FREM1: variants seen among roughly 807,000 people sequenced by gnomAD.
The protein encoded by FREM1 is FRAS1-related extracellular matrix protein 1.
A neutral mutation model predicts 210.1 loss-of-function variants in FREM1; 220 were observed. The ratio of observed to expected loss-of-function variants is 1.05; its 90% CI spans 0.94 to 1.17. The LOEUF (loss-of-function observed/expected upper bound fraction) is 1.17, where lower values mean the gene tolerates loss of function less well. Among genes scored for constraint, FREM1 ranks in the 50% most tolerant of loss-of-function variants. FREM1 has a pLI of 0.00. For synonymous variants in FREM1, 1,189 were observed against 980.2 expected, an observed-to-expected ratio of 1.21 and a Z score of -3.98; for missense variants, 3,454 against 2,675.5, an observed-to-expected ratio of 1.29 and a Z score of -6.42.
chr9:14,812,924 C>T lies in FREM1; in HGVS notation c.2781G>A (p.Met927Ile). Reference sequence around the variant, plus strand: ...GCTGAGGTTCGCGAGCAATCACAAACATCAACTTCAAGTTATCGCTGTCCA... The same window carrying T: ...GCTGAGGTTCGCGAGCAATCACAAATATCAACTTCAAGTTATCGCTGTCCA... ...TDVDSDNLKL[M>I]FVIAREPQHG... is the part of the protein sequence containing the mutation. Residue 927 changes from methionine (M) to isoleucine (I), a missense_variant, in exon 16 of 37, where the codon ATG becomes ATA. Physicochemically the swap from Met to Ile is conservative, Grantham distance 10. Transcript: ENST00000380880. The T allele has an allele frequency of 1.2e-6, 2 of 1,613,940 alleles. No homozygotes were observed. The highest frequency in any genetic ancestry group is 1.7e-6 in the Non-Finnish European group (2 of 1,179,854).
At chr9:14,873,484 T>C (rs191195767) in intron 1 of FREM1, among the ~76,000 whole-genome samples, 42 of 152,290 alleles carry the variant, frequency 2.8e-4, no homozygotes, top group Admixed American at 5.2e-4. Flanking sequence ...TCTCTGATGG[T>C]AGTTTGTATT....
At chr9:14,813,647 TCTCA>T (rs1206589643) in intron 15 of FREM1, among the ~76,000 whole-genome samples, 1 of 152,138 alleles carries the variant, frequency 6.6e-6, no homozygotes, top group Non-Finnish European at 1.5e-5. Flanking sequence ...AATGTTTTTC[TCTCA>T]CTTTCACGAA....
chr9:14,864,771 C>A (rs562905841), intron 2 of FREM1, among the ~76,000 whole-genome samples: 1 of 152,246 alleles, frequency 6.6e-6, no homozygotes, highest in Admixed American at 6.5e-5. Context: ...TCGTCTGTAC[C>A]TTTTCACAGC....
chr9:14,753,097 A>G (rs757334109), intron 29 of FREM1, among the ~76,000 whole-genome samples: 139 of 152,188 alleles, frequency 9.1e-4, no homozygotes, highest in Non-Finnish European at 1.8e-3. Flanking sequence ...TTCACTTTCA[A>G]GGTGCAAAGT....
intron 28 of FREM1, among the ~76,000 whole-genome samples, chr9:14,758,443 T>C (rs533348335): frequency 1.3e-5 from 2 of 152,248 alleles, no homozygotes; most frequent in Admixed American, 6.5e-5. Context: ...AGCAATCTTC[T>C]GGAAAACTAT....
At chr9:14,886,924 C>T (rs1339884083) in intron 1 of FREM1, among the ~76,000 whole-genome samples, 1 of 145,334 alleles carries the variant, frequency 6.9e-6, no homozygotes, top group South Asian at 2.2e-4. Context: ...AAAAAAGAAG[C>T]TATCAATTGA....
chr9:14,864,603 A>T (rs535441950), intron 2 of FREM1, among the ~76,000 whole-genome samples: 70 of 152,346 alleles, frequency 4.6e-4, no homozygotes, highest in African/African-American at 1.6e-3. Context: ...CAGAATTATT[A>T]GGAGATTGTT....
At chr9:14,865,513 T>A (rs1347170410) in intron 2 of FREM1, among the ~76,000 whole-genome samples, 1 of 152,226 alleles carries the variant, frequency 6.6e-6, no homozygotes, top group Non-Finnish European at 1.5e-5. Context: ...ATTGAACAGA[T>A]GTTAAACAAA....
intron 5 of FREM1, among the ~76,000 whole-genome samples, chr9:14,856,807 G>C (rs916857727): frequency 7.0e-6 from 1 of 143,234 alleles, no homozygotes; most frequent in Non-Finnish European, 1.5e-5. Context: ...CTGCACTCCA[G>C]CCTGGGCGAC....
At position 14,785,579 on chromosome 9, in the gene FREM1, T is replaced by C. The variant is rs543932104; in HGVS notation, c.4178-945A>G. On this transcript the variant is annotated intron_variant, in intron 23 of 36. Coordinates refer to ENST00000380880, the MANE Select transcript of FREM1 (RefSeq NM_001379081.2). The stretch of plus-strand genomic sequence containing the variant: ...GAGTGGATAAACAAAATGTGGCATA[T>C]ACATACACTGTAATACCATTCAGCC... 1.1e-4 allele frequency among the ~76,000 whole-genome samples: 16 copies of C among 152,330 alleles called. No homozygotes were observed. In the East Asian group the frequency reaches 2.7e-3, roughly 26 times the overall value.
chr9:14,798,128 G>A (rs1418491124), intron 20 of FREM1, among the ~76,000 whole-genome samples: 1 of 151,740 alleles, frequency 6.6e-6, no homozygotes, highest in Non-Finnish European at 1.5e-5. Context: ...GAACAAAATT[G>A]GAAGCCTAAC....
chr9:14,880,766 TA>T (rs1834657506), intron 1 of FREM1, among the ~76,000 whole-genome samples: 1 of 152,328 alleles, frequency 6.6e-6, no homozygotes, highest in East Asian at 1.9e-4. Context: ...ACAAATTTTT[TA>T]TGGACAAAAC....
At position 14,746,385 on chromosome 9, in the gene FREM1, G is replaced by A. The variant is rs370887201; in HGVS notation, c.6222C>T (p.Thr2074=). The A allele has an allele frequency of 1.8e-4, 284 of 1,613,690 alleles. No homozygotes were observed. The highest frequency in any genetic ancestry group is 3.3e-4 in the Middle Eastern group (2 of 6,080). ...TGCAAGCTTGGGCAGCCGCATTCCA[G>A]GTGCCTTTCTGCTCTGTGATCAAGA... The part of the protein sequence containing the change: ...CHILITEQKG[T]WNAAAQACRE... Residue 2074 remains threonine, a synonymous_variant, in exon 35 of 37, where the codon ACC becomes ACT. Transcript: ENST00000380880.
intron 19 of FREM1, among the ~76,000 whole-genome samples, chr9:14,804,516 C>A (rs954542022): frequency 6.6e-6 from 1 of 152,128 alleles, no homozygotes; most frequent in Admixed American, 6.5e-5. Flanking sequence ...ACCCGGGGGG[C>A]GGAGCTTGCA....
chr9:14,812,608 C>A (rs1201520678), intron 16 of FREM1, among the ~76,000 whole-genome samples: 3 of 152,140 alleles, frequency 2.0e-5, no homozygotes, highest in Non-Finnish European at 4.4e-5. Flanking sequence ...CCTTTCTCCG[C>A]TGTTTGAAAT....
At chr9:14,829,497 A>T (rs936809238) in intron 10 of FREM1, among the ~76,000 whole-genome samples, 1 of 152,082 alleles carries the variant, frequency 6.6e-6, no homozygotes, top group Non-Finnish European at 1.5e-5. Context: ...GAGGGGCCCA[A>T]TGGTGTTTAG....
intron 23 of FREM1, among the ~76,000 whole-genome samples, chr9:14,786,031 C>A (rs556840421): frequency 6.6e-6 from 1 of 152,098 alleles, no homozygotes; most frequent in Non-Finnish European, 1.5e-5. Flanking sequence ...ATTTTGTTCA[C>A]CTGACGTCCA....
intron 12 of FREM1, 108 bp downstream of exon 12, chr9:14,823,917 C>A: frequency 1.9e-6 from 1 of 535,738 alleles, no homozygotes; most frequent in Non-Finnish European, 3.3e-6. Context: ...GATGTCAAGT[C>A]TTTGTGGATG....
intron 36 of FREM1, among the ~76,000 whole-genome samples, chr9:14,739,226 C>T (rs1009456603): frequency 2.0e-5 from 3 of 151,164 alleles, no homozygotes; most frequent in African/African-American, 4.8e-5. Context: ...ACCTCAGCCT[C>T]CCAAGTAGGT....
Sources: gnomAD v4.1 joint callset for allele counts (sites outside exome capture counted in the v4.1 genomes callset) on GRCh38, gnomAD v4.1.1 for gene constraint, MANE v1.5 for transcripts, NCBI Gene and HGNC (gene_info 2026-07-23, HGNC 2026-07-21) for gene names.